Variants in MMP26 observed in about 807,000 individuals in gnomAD.
MMP26 encodes the protein matrix metalloproteinase-26.
In MMP26, 33 loss-of-function variants were observed where a neutral mutation model predicts 31.0. The observed-to-expected ratio is 1.06, with a 90% CI of 0.81 to 1.42. The LOEUF (loss-of-function observed/expected upper bound fraction) is 1.42, where lower values mean the gene tolerates loss of function less well. Among genes scored for constraint, MMP26 ranks in the 40% most tolerant of loss-of-function variants. The pLI is 0.00. For missense variants in MMP26, 347 were observed against 316.1 expected (o/e 1.10, Z -0.74); for synonymous variants, 122 against 114.9 (o/e 1.06, Z -0.40).
At chr11:4,861,322 A>T (rs958430350) in intron 2 of MMP26, among the ~76,000 whole-genome samples, 4 of 150,664 alleles carry the variant, frequency 2.7e-5, no homozygotes, top group Non-Finnish European at 5.9e-5. Context: ...GCTTCTATAA[A>T]TAGAAGTATA....
intron 2 of MMP26, among the ~76,000 whole-genome samples, chr11:4,974,748 A>G (rs1193329964): frequency 6.6e-6 from 1 of 152,128 alleles, no homozygotes; most frequent in Non-Finnish European, 1.5e-5. Context: ...TATGTGGTAC[A>G]TGTACGCCAC....
At chr11:4,868,962 T>A (rs1199135099) in intron 2 of MMP26, among the ~76,000 whole-genome samples, 2 of 152,146 alleles carry the variant, frequency 1.3e-5, no homozygotes, top group African/African-American at 4.8e-5. Flanking sequence ...AAACAAGAAG[T>A]GGGGAAAGGA....
chr11:4,739,517 C>T (rs1848284839), intron 1 of MMP26, among the ~76,000 whole-genome samples: 1 of 152,128 alleles, frequency 6.6e-6, no homozygotes, highest in South Asian at 2.1e-4. Context: ...TAGACCTAGG[C>T]ATTGGCTAGA....
intron 2 of MMP26, among the ~76,000 whole-genome samples, chr11:4,878,445 T>G (rs997804991): frequency 2.0e-5 from 3 of 152,102 alleles, no homozygotes; most frequent in Non-Finnish European, 4.4e-5. Context: ...ATAAATAGCA[T>G]GTGCAGAGTT....
intron 2 of MMP26, among the ~76,000 whole-genome samples, chr11:4,937,060 A>G (rs1400920650): frequency 6.6e-6 from 1 of 152,140 alleles, no homozygotes; most frequent in African/African-American, 2.4e-5. Flanking sequence ...ATTTTCTCTT[A>G]TTATTGTATT....
intron 4 of MMP26, 97 bp downstream of exon 4, chr11:4,989,965 C>T: frequency 2.1e-6 from 2 of 974,114 alleles, no homozygotes; most frequent in Non-Finnish European, 3.0e-6. Flanking sequence ...CTCTCTTCTG[C>T]TTTCATTGGC....
intron 1 of MMP26, among the ~76,000 whole-genome samples, chr11:4,763,560 A>G (rs948032726): frequency 3.9e-5 from 6 of 152,210 alleles, no homozygotes; most frequent in Non-Finnish European, 2.9e-5. Context: ...CATGTGGATA[A>G]TTTTGGCAGG....
At chr11:4,803,728 C>T (rs1849217558) in intron 2 of MMP26, 2 of 1,613,668 alleles carry the variant, frequency 1.2e-6, no homozygotes, top group South Asian at 1.1e-5. Context: ...GTATGACATA[C>T]CAATGACAAT....
intron 2 of MMP26, chr11:4,882,660 A>G (rs765588162): frequency 6.8e-6 from 11 of 1,613,720 alleles, no homozygotes; most frequent in Admixed American, 5.0e-5. Flanking sequence ...ACTATTTTCT[A>G]TGTGCCACTG....
intron 2 of MMP26, among the ~76,000 whole-genome samples, chr11:4,827,525 A>G (rs992444800): frequency 6.6e-6 from 1 of 152,092 alleles, no homozygotes; most frequent in Non-Finnish European, 1.5e-5. Context: ...CACATAAAGT[A>G]TACAGAAGTG....
intron 2 of MMP26, among the ~76,000 whole-genome samples, chr11:4,959,480 C>G (rs184982232): frequency 2.3e-4 from 35 of 152,164 alleles, no homozygotes; most frequent in African/African-American, 7.5e-4. Context: ...AACACAATCC[C>G]TGCCCTCTCT....
intron 2 of MMP26, among the ~76,000 whole-genome samples, chr11:4,820,079 G>A (rs762894371): frequency 6.6e-5 from 10 of 152,064 alleles, no homozygotes; most frequent in Non-Finnish European, 1.3e-4. Flanking sequence ...GATACCACAC[G>A]GACCATAGTA....
At position 4,924,193 on chromosome 11, in the gene MMP26, G is replaced by T. The variant is rs199614723; in HGVS notation, c.-144-63875G>T. On this transcript the variant is annotated intron_variant, in intron 2 of 7. Coordinates refer to ENST00000380390, the MANE Select transcript of MMP26 (RefSeq NM_021801.5). ...GGAGAGTGGCATCAGTACAAATGAC[G>T]TGGAGAATGGTGAGGTTCCCCAAGA... 17 of 1,614,036 alleles carry T rather than the reference G, an allele frequency of 1.1e-5. No homozygotes were observed. In the African/African-American group the frequency reaches 2.3e-4, roughly 22 times the overall value.
At chr11:4,971,793 C>T (rs570315706) in intron 2 of MMP26, among the ~76,000 whole-genome samples, 4 of 152,178 alleles carry the variant, frequency 2.6e-5, no homozygotes, top group Admixed American at 6.5e-5. Flanking sequence ...AAAGCCTCTA[C>T]TCATTGGTGG....
chr11:4,825,526 G>C (rs1424553689), intron 2 of MMP26, among the ~76,000 whole-genome samples: 1 of 152,090 alleles, frequency 6.6e-6, no homozygotes, highest in Non-Finnish European at 1.5e-5. Flanking sequence ...AATCTGATTA[G>C]CTCTTATTTC....
chr11:4,946,248 G>C, intron 2 of MMP26: 1 of 1,613,986 alleles, frequency 6.2e-7, no homozygotes, highest in Admixed American at 1.7e-5. Context: ...GTCAGTGGAG[G>C]TACAAGTAGG....
chr11:4,793,329 T>G (rs1418490834), intron 2 of MMP26, among the ~76,000 whole-genome samples: 2 of 152,192 alleles, frequency 1.3e-5, no homozygotes, highest in African/African-American at 4.8e-5. Flanking sequence ...CTTTGGTGTT[T>G]CTATTTTTTT....
chr11:4,970,653 G>T (rs964205996), intron 2 of MMP26, among the ~76,000 whole-genome samples: 8 of 152,364 alleles, frequency 5.3e-5, no homozygotes, highest in African/African-American at 1.4e-4. Flanking sequence ...CTAGTGCACA[G>T]CAGTTCCTTC....
At chr11:4,858,915 C>T (rs1850100220) in intron 2 of MMP26, among the ~76,000 whole-genome samples, 1 of 152,096 alleles carries the variant, frequency 6.6e-6, no homozygotes. Context: ...AGAATTAATA[C>T]CACACATCTA....
Sources: gnomAD v4.1 joint callset for allele counts (sites outside exome capture counted in the v4.1 genomes callset) on GRCh38, gnomAD v4.1.1 for gene constraint, MANE v1.5 for transcripts, NCBI Gene and HGNC (gene_info 2026-07-23, HGNC 2026-07-21) for gene names.